Variants in AKAP1 observed in about 807,000 individuals in gnomAD.
AKAP1 encodes the protein A-kinase anchor protein 1, mitochondrial.
A neutral mutation model predicts 79.8 loss-of-function variants in AKAP1; 32 were observed. The ratio of observed to expected loss-of-function variants is 0.40; its 90% CI spans 0.30 to 0.54. The LOEUF is 0.54. Ranked by LOEUF, AKAP1 falls within the 20% of genes least tolerant of loss-of-function variation. The pLI is 0.47. For missense variants in AKAP1, 961 were observed against 1,138.9 expected (o/e 0.84, Z 2.25); for synonymous variants, 416 against 466.7 (o/e 0.89, Z 1.40).
intron 7 of AKAP1, 74 bp from the exon 8 acceptor site, chr17:57,116,786 A>C (rs1915612665): frequency 7.0e-7 from 1 of 1,420,886 alleles, no homozygotes. Flanking sequence ...GTCACTGTAC[A>C]AAGATGAATA....
At chr17:57,107,945 G>A (rs1205442171) in intron 2 of AKAP1, 1 of 1,289,582 alleles carries the variant, frequency 7.8e-7, no homozygotes, top group East Asian at 5.6e-5. Context: ...TTTCTGTGCA[G>A]TTGCAGCTCC....
chr17:57,100,407 GT>G (rs1321258430), intron 1 of AKAP1, among the ~76,000 whole-genome samples: 2 of 145,990 alleles, frequency 1.4e-5, no homozygotes, highest in African/African-American at 5.4e-5. Context: ...CCAACATGGT[GT>G]GAAACTCCAT....
At chr17:57,099,138 GCCCTTAGTGAGA>G (rs367988685) in intron 1 of AKAP1, among the ~76,000 whole-genome samples, 350 of 152,244 alleles carry the variant, frequency 2.3e-3, no homozygotes, top group African/African-American at 7.9e-3. Flanking sequence ...GGCAATGGGT[GCCCTTAGTGAGA>G]CCCAGCCAAG....
chr17:57,095,432 T>C (rs191362920), intron 1 of AKAP1: 1 of 151,588 alleles, frequency 6.6e-6, no homozygotes. Flanking sequence ...TTGGGGATTG[T>C]AGGCGTGAGC....
chr17:57,113,594 C>CT (rs1036422001), intron 5 of AKAP1, among the ~76,000 whole-genome samples: 4,651 of 82,480 alleles, frequency 0.056, 1,188 homozygotes, highest in Non-Finnish European at 0.07. Context: ...GACTCACTCT[C>CT]TTTTTTTTTT....
chr17:57,093,388 A>G (rs1913898317), intron 1 of AKAP1: 1 of 152,164 alleles, frequency 6.6e-6, no homozygotes, highest in African/African-American at 2.4e-5. Context: ...CTCTTTGTTA[A>G]ATGACTGGCC....
chr17:57,117,316 G>A (rs1414321168), intron 8 of AKAP1, among the ~76,000 whole-genome samples: 1 of 152,218 alleles, frequency 6.6e-6, no homozygotes, highest in Non-Finnish European at 1.5e-5. Context: ...CCTATCTGGT[G>A]TCTTAGACTA....
At chr17:57,109,091 A>G (rs1197254975) in intron 2 of AKAP1, among the ~76,000 whole-genome samples, 1 of 152,186 alleles carries the variant, frequency 6.6e-6, no homozygotes, top group South Asian at 2.1e-4. Context: ...CATCCAGTGT[A>G]TGGGTTACTT....
rs1342930411 is a variant in AKAP1 at position 57,106,911 on chromosome 17, G to A, written c.1447G>A (p.Glu483Lys). 3 of 1,613,842 alleles carry A rather than the reference G, an allele frequency of 1.9e-6. No individual in the cohort carries two copies. The highest frequency in any genetic ancestry group is 2.7e-5 in the African/African-American group (2 of 74,930). ...ELPDRAGILV[E>K]DATCVTCMSD... is the part of the protein sequence containing the mutation. ...GCCGGACCGGGCAGGCATCCTGGTG[G>A]AAGATGCCACCTGTGTCACCTGCAT... The change falls in exon 2 of 11, where the codon GAA becomes AAA. Residue 483 changes from glutamate (E) to lysine (K), a missense_variant. Physicochemically the swap from Glu to Lys is moderately conservative, Grantham distance 56 (BLOSUM62 1). Transcript: ENST00000337714.
chr17:57,102,834 C>T (rs1478170161), intron 1 of AKAP1, among the ~76,000 whole-genome samples: 1 of 152,190 alleles, frequency 6.6e-6, no homozygotes, highest in Non-Finnish European at 1.5e-5. Flanking sequence ...GGCCTGTCAT[C>T]CCAGCACTTT....
Position 57,110,113 on chromosome 17 carries a change from C to A in AKAP1, c.1803C>A (p.Asn601Lys), listed in dbSNP as rs756305285. The A allele has an allele frequency of 6.2e-7, 1 of 1,614,158 alleles. No individual in the cohort carries two copies. The highest frequency in any genetic ancestry group is 8.5e-7 in the Non-Finnish European group (1 of 1,180,016). The change falls in exon 3 of 11, where the codon AAC (asparagine) becomes AAA (lysine). Residue 601 changes from asparagine (N) to lysine (K), a missense_variant. Asn to Lys is a moderately conservative substitution (Grantham distance 94, BLOSUM62 0). Transcript: ENST00000337714. ...ESFQNAQAGS[N>K]PKKVDLIIWE... is the part of the protein sequence containing the mutation. Reference sequence around the variant, plus strand: ...TCCAAAATGCCCAGGCAGGCTCCAACCCTAAGAAGGTCGACCTCATCATCT... The same window carrying A: ...TCCAAAATGCCCAGGCAGGCTCCAAACCTAAGAAGGTCGACCTCATCATCT...
In AKAP1 at chr17:57,113,594, C is replaced by CTTTTT. The variant is rs1036422001; in HGVS notation, c.2104-843_2104-839dup. ...GGAGGCTCGGTCGTAGACTCACTCT[C>CTTTTT]TTTTTTTTTTTTTTTTTTTTTTTTT... On this transcript the variant is annotated intron_variant, in intron 5 of 10. Transcript: ENST00000337714. 1.9e-4 allele frequency among the ~76,000 whole-genome samples: 16 copies of CTTTTT among 82,510 alleles called. 2 individuals are homozygous for CTTTTT. Among genetic ancestry groups the CTTTTT allele is most frequent in the African/African-American group, 7.6e-4 (13 of 17,028 alleles). 54.1% of individuals were successfully genotyped at this position (82,510 alleles called of 152,430 possible). A position where few individuals can be genotyped will look rare whatever the true frequency, so the allele number is the denominator to read the frequency against.
At chr17:57,110,400 C>T (rs1257691802) in intron 3 of AKAP1, among the ~76,000 whole-genome samples, 2 of 152,198 alleles carry the variant, frequency 1.3e-5, no homozygotes, top group Non-Finnish European at 2.9e-5. Context: ...TTCTCAAACT[C>T]GCAGGCCTGT....
At position 57,114,540 on chromosome 17, in the gene AKAP1, A is replaced by G. The variant is rs770179513; in HGVS notation, c.2185A>G (p.Thr729Ala). ...CGGGCACCTGTTCGTGCAGCAGCAC[A>G]CACACCCTACCTTCCACGCGCTGCG... ...NAGHLFVQQHTHPTFHALRSL... is the reference protein window; with the variant it reads ...NAGHLFVQQHAHPTFHALRSL... Residue 729 changes from threonine to alanine, a missense_variant, in exon 6 of 11, where the codon ACA becomes GCA. Thr to Ala is a moderately conservative substitution (Grantham distance 58). Around this residue, in one of 3 missense-constraint regions of AKAP1, gnomAD observed 629 missense variants for 781.1 expected, o/e 0.81. Transcript: ENST00000337714. 2 of 1,614,204 alleles carry G rather than the reference A, an allele frequency of 1.2e-6. No individual in the cohort carries two copies. Among genetic ancestry groups the G allele is most frequent in the South Asian group, 1.1e-5 (1 of 91,084 alleles).
At chr17:57,113,059 A>G (rs778488173) in intron 5 of AKAP1, among the ~76,000 whole-genome samples, 3 of 152,100 alleles carry the variant, frequency 2.0e-5, no homozygotes, top group African/African-American at 4.8e-5. Context: ...CTGGTGAAGG[A>G]TCTCCTTCCC....
rs1157465043 is a variant in AKAP1 at position 57,087,321 on chromosome 17, T to G, written c.-25+1923T>G. ...ATCTCTCCCATCTCCCAGTTGTTTC[T>G]AGGAAATGCATTCTCACTTGGCCAC... is the stretch of plus-strand genomic sequence containing the variant. On this transcript the variant is annotated intron_variant, in intron 1 of 10. Transcript: ENST00000337714. 2.0e-5 allele frequency among the ~76,000 whole-genome samples: 3 copies of G among 152,238 alleles called. No homozygotes were observed. In the East Asian group the frequency reaches 5.8e-4, roughly 29 times the overall value.
intron 1 of AKAP1, chr17:57,092,288 C>T (rs568455492): frequency 6.6e-6 from 1 of 152,368 alleles, no homozygotes; most frequent in Non-Finnish European, 1.5e-5. Context: ...GAGCTGCTAA[C>T]TCCAGCCCAT....
intron 1 of AKAP1, among the ~76,000 whole-genome samples, chr17:57,101,403 C>G (rs1379599279): frequency 1.3e-5 from 2 of 152,038 alleles, no homozygotes; most frequent in African/African-American, 4.8e-5. Flanking sequence ...TCTCAAACTC[C>G]TGGCCTCAAG....
rs1188435266 is a variant in AKAP1, at chr17:57,119,049, G to C, written c.2637+5G>C. On this transcript the variant is annotated splice_donor_5th_base_variant and intron_variant, in intron 10 of 10. Transcript: ENST00000337714. The stretch of plus-strand genomic sequence containing the variant: ...TGGAGTGTGGTTGGAGATGAAGTAA[G>C]TTCTGCCCTTCTTTTCCTTCTGTGT... The C allele has an allele frequency of 1.9e-6, 3 of 1,613,316 alleles. No homozygotes were observed. The highest frequency in any genetic ancestry group is 2.5e-6 in the Non-Finnish European group (3 of 1,179,324).
Sources: allele counts gnomAD v4.1 joint callset (sites outside exome capture counted in the v4.1 genomes callset), GRCh38; gene constraint gnomAD v4.1.1; regional missense constraint gnomAD v4.1.1; transcripts MANE v1.5; gene names NCBI Gene and HGNC (gene_info 2026-07-23, HGNC 2026-07-21).